MLLT1: variants seen among roughly 807,000 people sequenced by gnomAD.
The protein encoded by MLLT1 is MLLT1 super elongation complex subunit, also known as protein ENL.
Under a neutral mutation model 55.1 loss-of-function variants are expected in MLLT1, and 11 were observed. The ratio of observed to expected loss-of-function variants is 0.20; its 90% CI spans 0.13 to 0.33. The LOEUF (loss-of-function observed/expected upper bound fraction) is 0.33, where lower values mean the gene tolerates loss of function less well. Ranked by LOEUF, MLLT1 falls within the 10% of genes least tolerant of loss-of-function variation. The pLI, the probability that MLLT1 is intolerant of heterozygous loss-of-function variation, is 1.00. For missense variants in MLLT1, 536 were observed against 760.6 expected (o/e 0.70, Z 3.47); for synonymous variants, 323 against 320.1 (o/e 1.01, Z -0.10).
At chr19:6,266,191 T>C (rs898968005) in intron 2 of MLLT1, among the ~76,000 whole-genome samples, 7 of 149,448 alleles carry the variant, frequency 4.7e-5, no homozygotes, top group Non-Finnish European at 1.0e-4. Context: ...GCAGGAGGAC[T>C]GCTTCAGCCC....
chr19:6,272,642 G>T (rs969408756), intron 1 of MLLT1, among the ~76,000 whole-genome samples: 1 of 152,222 alleles, frequency 6.6e-6, no homozygotes, highest in African/African-American at 2.4e-5. Flanking sequence ...TGAGAGCAGG[G>T]ACTACATCTT....
intron 10 of MLLT1, 93 bp downstream of exon 10, chr19:6,213,633 G>T: frequency 1.6e-6 from 2 of 1,252,378 alleles, no homozygotes; most frequent in Non-Finnish European, 2.3e-6. Flanking sequence ...TCCAACTGTG[G>T]GGTGTTGGGG....
At chr19:6,223,491 A>G (rs974656574) in intron 5 of MLLT1, among the ~76,000 whole-genome samples, 2 of 152,162 alleles carry the variant, frequency 1.3e-5, no homozygotes, top group African/African-American at 4.8e-5. Flanking sequence ...CAGGCCCAGG[A>G]GTGAGCCCAG....
chr19:6,245,489 T>C (rs1173754645), intron 3 of MLLT1, among the ~76,000 whole-genome samples: 2 of 150,520 alleles, frequency 1.3e-5, no homozygotes, highest in African/African-American at 4.9e-5. Context: ...GGTGGGCGGA[T>C]CACGAGGTCA....
rs776316167 is a variant in MLLT1 at position 6,227,132 on chromosome 19, G to T, written c.421-30C>A. ...TGACAGAGAAGAGACAGTCATTATC[G>T]ATGGGCAGGGGGCAGGGGGCCCACA... On this transcript the variant is annotated intron_variant, in intron 4 of 11. Transcript: ENST00000252674. This position sits in a 1 kb window ranked among gnomAD's most constrained non-coding sequence, Gnocchi z 5.1. 2.5e-6 allele frequency: 4 copies of T among 1,580,416 alleles called. No individual in the cohort carries two copies. The South Asian group carries it at 3.5e-5, about 14-fold the overall frequency.
At chr19:6,269,913 G>A (rs1009289247) in intron 2 of MLLT1, among the ~76,000 whole-genome samples, 2 of 152,132 alleles carry the variant, frequency 1.3e-5, no homozygotes, top group Non-Finnish European at 2.9e-5. Context: ...CGCGGCCCCA[G>A]CCCTGATGGC....
chr19:6,258,408 G>A (rs984264839), intron 3 of MLLT1, among the ~76,000 whole-genome samples: 1 of 152,146 alleles, frequency 6.6e-6, no homozygotes, highest in African/African-American at 2.4e-5. Context: ...CAGAACAGCA[G>A]AAAGGTTGAG....
intron 3 of MLLT1, among the ~76,000 whole-genome samples, chr19:6,247,684 C>T (rs897059909): frequency 4.6e-5 from 7 of 152,146 alleles, no homozygotes; most frequent in South Asian, 2.1e-4. Context: ...GGTTAAGTAG[C>T]CCTCATCCAA....
chr19:6,244,955 T>C (rs1234215649), intron 3 of MLLT1, among the ~76,000 whole-genome samples: 1 of 152,034 alleles, frequency 6.6e-6, no homozygotes, highest in Admixed American at 6.6e-5. Context: ...CTGGTGAGGA[T>C]GTAGAAAAAT....
Position 6,224,170 on chromosome 19 carries a change from G to A in MLLT1, c.547-1486C>T, listed in dbSNP as rs140611850. On this transcript the variant is annotated intron_variant, in intron 5 of 11. Transcript: ENST00000252674. The stretch of plus-strand genomic sequence containing the variant: ...TGCCCCATGGCCAGTCTCCTGGGCT[G>A]GCCATCTTCTTGCAAAGCCACAGCC... Among the ~76,000 whole-genome samples, 328 of 152,354 alleles carry A rather than the reference G, an allele frequency of 2.2e-3. 1 individual carries two copies. The highest frequency in any genetic ancestry group is 3.8e-3 in the Non-Finnish European group (258 of 68,028).
rs2091315140 is a variant in MLLT1, at chr19:6,262,616, G to A, written c.194-306C>T. 6.6e-6 allele frequency among the ~76,000 whole-genome samples: 1 copy of A among 152,206 alleles called. No individual in the cohort carries two copies. Among genetic ancestry groups the A allele is most frequent in the Admixed American group, 6.5e-5 (1 of 15,288 alleles). On this transcript the variant is annotated intron_variant, in intron 2 of 11. Coordinates refer to ENST00000252674, the MANE Select transcript of MLLT1 (RefSeq NM_005934.4). This position sits in a 1 kb window ranked among gnomAD's most constrained non-coding sequence, Gnocchi z 4.4. Reference sequence around the variant, plus strand: ...TGCTCCTGCAGAGGATGAGGAGGCTGAGGCCAGAGAAGGCTGCACAAGTTT... The same window carrying A: ...TGCTCCTGCAGAGGATGAGGAGGCTAAGGCCAGAGAAGGCTGCACAAGTTT...
chr19:6,262,350 CCT>C lies in MLLT1; in HGVS notation c.194-42_194-41del. 6.4e-7 allele frequency: 1 copy of C among 1,566,442 alleles called. No individual in the cohort carries two copies. Among genetic ancestry groups the C allele is most frequent in the Non-Finnish European group, 8.8e-7 (1 of 1,139,834 alleles). ...AAGAAACACACCCATCAGCCTCCTG[CCT>C]GTTTCAGGCCCAGCTGCCAGCGGCA... On this transcript the variant is annotated intron_variant, in intron 2 of 11. Coordinates refer to ENST00000252674, the MANE Select transcript of MLLT1 (RefSeq NM_005934.4). The surrounding 1 kb of genome is among the most constrained non-coding windows in gnomAD (Gnocchi z 4.4).
At chr19:6,225,190 C>T (rs945197232) in intron 5 of MLLT1, among the ~76,000 whole-genome samples, 1 of 152,234 alleles carries the variant, frequency 6.6e-6, no homozygotes, top group African/African-American at 2.4e-5. Flanking sequence ...CTGCCTGCCA[C>T]GCCACTCTTG....
At chr19:6,218,483 A>T (rs2090866928) in intron 6 of MLLT1, among the ~76,000 whole-genome samples, 1 of 152,166 alleles carries the variant, frequency 6.6e-6, no homozygotes, top group Admixed American at 6.5e-5. Context: ...TCTTGTTCTG[A>T]CCCAGTGCTG....
rs377649192 is a variant in MLLT1, at chr19:6,222,682, G to A, written c.549C>T (p.Asp183=). 4.1e-5 allele frequency: 62 copies of A among 1,529,828 alleles called. No individual in the cohort carries two copies. Among genetic ancestry groups the A allele is most frequent in the Non-Finnish European group, 2.7e-5 (31 of 1,142,128 alleles). 94.8% of individuals were successfully genotyped at this position (1,529,828 alleles called of 1,614,324 possible). The change falls in exon 6 of 12, where the codon GAC becomes GAT. Residue 183 remains aspartate (D), a splice_region_variant and synonymous_variant. Coordinates refer to ENST00000252674, the MANE Select transcript of MLLT1 (RefSeq NM_005934.4). The surrounding 1 kb of genome is among the most constrained non-coding windows in gnomAD (Gnocchi z 4.1). Reference sequence around the variant, plus strand: ...AGGTCTTGCTGCTCTCCTTGTTGGCGTCCTGCAAGGCCAAGAGCAGGGAGG... The same window carrying A: ...AGGTCTTGCTGCTCTCCTTGTTGGCATCCTGCAAGGCCAAGAGCAGGGAGG... ...KKTKPSHGSK[D]ANKESSKTSK...
intron 1 of MLLT1, among the ~76,000 whole-genome samples, chr19:6,279,411 A>G (rs1198475854): frequency 6.6e-6 from 1 of 151,828 alleles, no homozygotes; most frequent in Non-Finnish European, 1.5e-5. Context: ...AAGTCCCGAG[A>G]GCTGTCTTGA....
In MLLT1 at chr19:6,226,429, C is replaced by T. The variant is rs1258328855; in HGVS notation, c.546+548G>A. 6.6e-6 allele frequency among the ~76,000 whole-genome samples: 1 copy of T among 152,188 alleles called. No individual in the cohort carries two copies. Among genetic ancestry groups the T allele is most frequent in the Non-Finnish European group, 1.5e-5 (1 of 68,038 alleles). ...AAAGGCCGAGTGCCACCCACCTGAC[C>T]GACTGGGCCGAGATGAGACCGTAAA... On this transcript the variant is annotated intron_variant, in intron 5 of 11. Transcript: ENST00000252674. This position sits in a 1 kb window ranked among gnomAD's most constrained non-coding sequence, Gnocchi z 6.3.
At chr19:6,215,348 G>A (rs924578506) in intron 8 of MLLT1, among the ~76,000 whole-genome samples, 1 of 152,224 alleles carries the variant, frequency 6.6e-6, no homozygotes, top group African/African-American at 2.4e-5. Context: ...AATCCACCCT[G>A]AATGTCACCG....
At chr19:6,258,542 T>G (rs1418785733) in intron 3 of MLLT1, among the ~76,000 whole-genome samples, 1 of 152,256 alleles carries the variant, frequency 6.6e-6, no homozygotes, top group Admixed American at 6.5e-5. Context: ...CAAATTCTTT[T>G]TCCTTGAGAG....
Sources: gnomAD v4.1 joint callset for allele counts (sites outside exome capture counted in the v4.1 genomes callset) on GRCh38, gnomAD v4.1.1 for gene constraint, Gnocchi (gnomAD v3.1) non-coding constraint, MANE v1.5 for transcripts, NCBI Gene and HGNC (gene_info 2026-07-23, HGNC 2026-07-21) for gene names.